GOLGA6L2: variants seen among roughly 807,000 people sequenced by gnomAD.
The protein encoded by GOLGA6L2 is golgin A6 family like 2.
Under a neutral mutation model 35.9 loss-of-function variants are expected in GOLGA6L2, and 30 were observed. The ratio of observed to expected loss-of-function variants is 0.83; its 90% CI spans 0.62 to 1.13. The LOEUF (loss-of-function observed/expected upper bound fraction) is 1.13, where lower values mean the gene tolerates loss of function less well. Ranked by LOEUF, GOLGA6L2 falls within the 50% of genes most tolerant of loss-of-function variation. The pLI is 0.00. For synonymous variants in GOLGA6L2, 297 were observed against 344.0 expected, an observed-to-expected ratio of 0.86 and a Z score of 1.51; for missense variants, 821 against 973.4, an observed-to-expected ratio of 0.84 and a Z score of 2.08.
chr15:23,443,687 G>A, intron 5 of GOLGA6L2, 90 bp downstream of exon 5: 1 of 1,033,098 alleles, frequency 9.7e-7, no homozygotes. Context: ...TTCTGGGCAG[G>A]ACACTGCATC....
intron 5 of GOLGA6L2, among the ~76,000 whole-genome samples, chr15:23,442,920 G>A (rs1466292573): frequency 1.3e-5 from 2 of 151,982 alleles, no homozygotes; most frequent in Non-Finnish European, 2.9e-5. Flanking sequence ...TGGCTAACAG[G>A]GGCCCAGAGA....
At chr15:23,442,598 A>G (rs1246448561) in intron 5 of GOLGA6L2, 90 bp from the exon 6 acceptor site, 6 of 1,201,066 alleles carry the variant, frequency 5.0e-6, no homozygotes, top group South Asian at 1.3e-5. Flanking sequence ...ACTCCACAGT[A>G]ACACTCCCTC....
At chr15:23,446,256 C>T (rs1158740093) in intron 1 of GOLGA6L2, among the ~76,000 whole-genome samples, 4 of 152,254 alleles carry the variant, frequency 2.6e-5, no homozygotes, top group African/African-American at 7.2e-5. Flanking sequence ...AAACCAAACC[C>T]GTTCTCCCAT....
Position 23,447,226 on chromosome 15 carries a change from C to CCA in GOLGA6L2, c.-47_-46dup. On this transcript the variant is annotated 5_prime_UTR_variant, in exon 1 of 8. Transcript: ENST00000567107. ...ACAAGGATACACCTCCAGTCACGTA[C>CCA]CACGCAGCTATGTGACTGAGCCAGA... 9.2e-7 allele frequency: 1 copy of CCA among 1,090,998 alleles called. No individual in the cohort carries two copies. Among genetic ancestry groups the CCA allele is most frequent in the African/African-American group, 1.5e-5 (1 of 64,902 alleles). The allele number at this position is 1,090,998 out of a possible 1,614,324, so 67.6% of individuals were successfully genotyped here. A position where few individuals can be genotyped will look rare whatever the true frequency, so the allele number is the denominator to read the frequency against.
intron 3 of GOLGA6L2, 76 bp downstream of exon 3, chr15:23,444,395 C>T (rs532841470): frequency 4.4e-5 from 67 of 1,521,546 alleles, no homozygotes; most frequent in Admixed American, 1.6e-4. Context: ...TGGGAGTAGG[C>T]GAGATGAGAC....
Position 23,440,082 on chromosome 15 carries a change from C to G in GOLGA6L2, c.2393G>C (p.Gly798Ala), listed in dbSNP as rs1555466843. The G allele has an allele frequency of 5.5e-6, 5 of 901,742 alleles. No individual in the cohort carries two copies. Among genetic ancestry groups the G allele is most frequent in the East Asian group, 2.9e-5 (1 of 34,384 alleles). 55.9% of individuals were successfully genotyped at this position (901,742 alleles called of 1,614,324 possible). The change falls in exon 8 of 8, where the codon GGA (glycine) becomes GCA (alanine). Residue 798 changes from glycine (G) to alanine (A), a missense_variant. Gly to Ala is a moderately conservative substitution (Grantham distance 60, BLOSUM62 0). Transcript: ENST00000567107. ...EDAGAGGEDVGAGGEDAGAGG... is the reference protein window; with the variant it reads ...EDAGAGGEDVAAGGEDAGAGG... ...TGCTCCCGCATCTTCTCCTCCTGCT[C>G]CCACATCTTCTCCTCCTGCTCCTGC...
Position 23,441,961 on chromosome 15 carries a change from G to A in GOLGA6L2, c.792+18C>T. The A allele has an allele frequency of 6.5e-7, 1 of 1,541,128 alleles. No homozygotes were observed. The highest frequency in any genetic ancestry group is 8.7e-7 in the Non-Finnish European group (1 of 1,150,830). On this transcript the variant is annotated intron_variant, in intron 7 of 7. Coordinates refer to ENST00000567107, the MANE Select transcript of GOLGA6L2 (RefSeq NM_001304388.2). ...GCTGGATGGGTCTCCCACAACCCCT[G>A]GGGCTGCAGCCGCTCACCTGTGGCA...
In GOLGA6L2 at chr15:23,440,763, TCTG is replaced by T. The variant is rs781707648; in HGVS notation, c.1709_1711del (p.Ala570del). On this transcript the variant is annotated inframe_deletion, in exon 8 of 8. Coordinates refer to ENST00000567107, the MANE Select transcript of GOLGA6L2 (RefSeq NM_001304388.2). ...ATCCTCTCCTCCTGGTCCCACATCTTCTGCTCCTGATCCCGCATCTTCTCCTCC... is the reference window on the plus strand; with the variant it reads ...ATCCTCTCCTCCTGGTCCCACATCTTCTCCTGATCCCGCATCTTCTCCTCC... 66 of 1,525,900 alleles carry T rather than the reference TCTG, an allele frequency of 4.3e-5. 1 individual carries two copies. The Middle Eastern group carries it at 8.5e-4, about 20-fold the overall frequency. The allele number at this position is 1,525,900 out of a possible 1,614,324, so 94.5% of individuals were successfully genotyped here.
chr15:23,442,183 A>G (rs575622290), intron 6 of GOLGA6L2, 63 bp from the exon 7 acceptor site: 38 of 1,517,902 alleles, frequency 2.5e-5, no homozygotes, highest in Non-Finnish European at 3.3e-5. Context: ...TTTGGTGATC[A>G]ACCCTCTACT....
At position 23,439,593 on chromosome 15, in the gene GOLGA6L2, G is replaced by A; in HGVS notation, c.*152C>T. ...CTCTTGTCTCCTCGGTAGAAGAATG[G>A]GATGCAGGAGGTACTGCCTAATCCT... is the stretch of plus-strand genomic sequence containing the variant. On this transcript the variant is annotated 3_prime_UTR_variant, in exon 8 of 8. Transcript: ENST00000567107. The A allele has an allele frequency of 1.3e-6, 2 of 1,535,606 alleles. No homozygotes were observed. Among genetic ancestry groups the A allele is most frequent in the South Asian group, 2.4e-5 (2 of 83,918 alleles).
Position 23,440,893 on chromosome 15 carries a change from C to T in GOLGA6L2, c.1582G>A (p.Gly528Arg). 1.3e-5 allele frequency: 19 copies of T among 1,464,612 alleles called. No homozygotes were observed. The highest frequency in any genetic ancestry group is 1.7e-5 in the Non-Finnish European group (19 of 1,097,334). The allele number at this position is 1,464,612 out of a possible 1,614,324, so 90.7% of individuals were successfully genotyped here. ...TGCCGCCACATCTTCTTCTCCTGCC[C>T]CCACATCTCCTCCTGGTCCCGTATC... ...EKIRDQEEMW[G>R]QEKKMWRQEK... Residue 528 changes from glycine to arginine, a missense_variant, in exon 8 of 8, where the codon GGG becomes AGG. Coordinates refer to ENST00000567107, the MANE Select transcript of GOLGA6L2 (RefSeq NM_001304388.2).
In GOLGA6L2 at chr15:23,439,818, T is replaced by C; in HGVS notation, c.2657A>G (p.Asp886Gly). Residue 886 changes from aspartate (D) to glycine (G), a missense_variant, in exon 8 of 8, where the codon GAT becomes GGT. Asp to Gly is a moderately conservative substitution (Grantham distance 94). Coordinates refer to ENST00000567107, the MANE Select transcript of GOLGA6L2 (RefSeq NM_001304388.2). ...GGEDTRSERE[D>G]AGEAARARGA... is the part of the protein sequence containing the mutation. ...TCGTGCTCTGGCAGCCTCTCCTGCA[T>C]CTTCTCTTTCTGATCTCGTATCCTC... 6.5e-7 allele frequency: 1 copy of C among 1,529,448 alleles called. No homozygotes were observed. The highest frequency in any genetic ancestry group is 8.7e-7 in the Non-Finnish European group (1 of 1,144,278). The allele number at this position is 1,529,448 out of a possible 1,614,324, so 94.7% of individuals were successfully genotyped here. A position where few individuals can be genotyped will look rare whatever the true frequency, so the allele number is the denominator to read the frequency against.
rs1467911276 is a variant in GOLGA6L2, at chr15:23,443,832, C to G, written c.536G>C (p.Gly179Ala). The G allele has an allele frequency of 5.2e-6, 8 of 1,540,258 alleles. No individual in the cohort carries two copies. The highest frequency in any genetic ancestry group is 7.0e-6 in the Non-Finnish European group (8 of 1,149,272). The change falls in exon 5 of 8, where the codon GGA becomes GCA. Residue 179 changes from glycine to alanine, a missense_variant. By Grantham distance (60) the Gly-to-Ala change is moderately conservative. Coordinates refer to ENST00000567107, the MANE Select transcript of GOLGA6L2 (RefSeq NM_001304388.2). ...GRLHHSWHFA[G>A]ELQRALSAVS... ...AGCAGAGAGAGCCCGCTGTAACTCT[C>G]CTGCAAAGTGCCAGGAATGATGCAA...
intron 1 of GOLGA6L2, 77 bp downstream of exon 1, chr15:23,447,021 C>T (rs1164942589): frequency 1.4e-6 from 1 of 724,162 alleles, no homozygotes; most frequent in Non-Finnish European, 2.4e-6. Flanking sequence ...ATGGCATGGA[C>T]TCTGGCAGAT....
chr15:23,444,487 C>G lies in GOLGA6L2; in HGVS notation c.227G>C (p.Arg76Pro). 4 of 1,599,906 alleles carry G rather than the reference C, an allele frequency of 2.5e-6. No homozygotes were observed. The highest frequency in any genetic ancestry group is 3.4e-6 in the Non-Finnish European group (4 of 1,179,772). The change falls in exon 3 of 8, where the codon CGA becomes CCA. Residue 76 changes from arginine to proline, a missense_variant. Around this residue, in one of 7 missense-constraint regions of GOLGA6L2, gnomAD observed 614 missense variants for 632.3 expected, o/e 0.97. Coordinates refer to ENST00000567107, the MANE Select transcript of GOLGA6L2 (RefSeq NM_001304388.2). ...CHSPEDTQQNRAQLKEEKKAS... is the reference protein window; with the variant it reads ...CHSPEDTQQNPAQLKEEKKAS... ...TCACGTTACTTCTTTCAGCTGCGCTCGGTTCTGTTGTGTCTGTGGGGAGAG... is the reference window on the plus strand; with the variant it reads ...TCACGTTACTTCTTTCAGCTGCGCTGGGTTCTGTTGTGTCTGTGGGGAGAG...
Position 23,444,053 on chromosome 15 carries a change from T to C in GOLGA6L2, c.315A>G (p.Arg105=). Residue 105 remains arginine (R), a synonymous_variant, in exon 5 of 8, where the codon CGA becomes CGG. Coordinates refer to ENST00000567107, the MANE Select transcript of GOLGA6L2 (RefSeq NM_001304388.2). ...REIEAQDHTI[R]ILTCQKTELE... is the part of the protein sequence containing the mutation. ...GTTCAGTTTTCTGACACGTGAGAAT[T>C]CGTATTGTATGATCCTGGGCCTTTG... 6.4e-7 allele frequency: 1 copy of C among 1,560,590 alleles called. No individual in the cohort carries two copies. Among genetic ancestry groups the C allele is most frequent in the Non-Finnish European group, 8.6e-7 (1 of 1,158,930 alleles).
In GOLGA6L2 at chr15:23,440,546, T is replaced by C; in HGVS notation, c.1929A>G (p.Gly643=). ...CTCCTCCTGCTCCCGCATCATCTCC[T>C]CCTCCTCCCGCATCTTCTTCTCCCG... The part of the protein sequence containing the change: ...AGAGEEDAGG[G]GDDAGAGGED... Residue 643 remains glycine, a synonymous_variant, in exon 8 of 8, where the codon GGA becomes GGG. Coordinates refer to ENST00000567107, the MANE Select transcript of GOLGA6L2 (RefSeq NM_001304388.2). The C allele has an allele frequency of 7.9e-7, 1 of 1,271,030 alleles. No homozygotes were observed. Among genetic ancestry groups the C allele is most frequent in the Non-Finnish European group, 1.1e-6 (1 of 898,994 alleles). 78.7% of individuals were successfully genotyped at this position (1,271,030 alleles called of 1,614,324 possible).
chr15:23,447,154 G>A lies in GOLGA6L2; in HGVS notation c.28C>T (p.His10Tyr), dbSNP rs1886807819. 1.3e-6 allele frequency: 2 copies of A among 1,597,670 alleles called. No homozygotes were observed. Among genetic ancestry groups the A allele is most frequent in the Admixed American group, 1.7e-5 (1 of 59,486 alleles). MWPQPHLPP[H>Y]PMMSEKTRQN... ...CTGGTTTTTTCTGACATCATGGGGT[G>A]GGGAGGGAGGTGGGGTTGGGGCCAC... The change falls in exon 1 of 8, where the codon CAC becomes TAC. Residue 10 changes from histidine (H) to tyrosine (Y), a missense_variant. By Grantham distance (83) the His-to-Tyr change is moderately conservative. Transcript: ENST00000567107.
Position 23,441,568 on chromosome 15 carries a change from G to T in GOLGA6L2, c.907C>A (p.Arg303=), listed in dbSNP as rs751848022. The part of the protein sequence containing the change: ...EKMWRQEERL[R]EQEGKMREQE... Reference sequence around the variant, plus strand: ...TCCCGCATCTTCCCCTCCTGCTCCCGCAGTCTCTCCTCCTGTCTCCACATC... The same window carrying T: ...TCCCGCATCTTCCCCTCCTGCTCCCTCAGTCTCTCCTCCTGTCTCCACATC... Residue 303 remains arginine, a synonymous_variant, in exon 8 of 8, where the codon CGG becomes AGG. Transcript: ENST00000567107. The T allele has an allele frequency of 1.9e-5, 29 of 1,509,862 alleles. No individual in the cohort carries two copies. Among genetic ancestry groups the T allele is most frequent in the Non-Finnish European group, 2.6e-5 (29 of 1,122,226 alleles). 93.5% of individuals were successfully genotyped at this position (1,509,862 alleles called of 1,614,324 possible). A position where few individuals can be genotyped will look rare whatever the true frequency, so the allele number is the denominator to read the frequency against.
Sources: allele counts gnomAD v4.1 joint callset (sites outside exome capture counted in the v4.1 genomes callset), GRCh38; gene constraint gnomAD v4.1.1; regional missense constraint gnomAD v4.1.1; transcripts MANE v1.5; gene names NCBI Gene and HGNC (gene_info 2026-07-23, HGNC 2026-07-21).